AP1S2: variants seen among roughly 807,000 people sequenced by gnomAD.
The protein encoded by AP1S2 is AP-1 complex subunit sigma-2.
AP1S2 carries 1 observed loss-of-function variant against 14.3 expected under a neutral mutation model. The observed-to-expected ratio is 0.07, with a 90% CI of 0.02 to 0.33. AP1S2 has a LOEUF of 0.33. Ranked by LOEUF, AP1S2 falls within the 10% of genes least tolerant of loss-of-function variation. The pLI is 0.99. For synonymous variants in AP1S2, 30 were observed against 40.5 expected, an observed-to-expected ratio of 0.74 and a Z score of 0.99; for missense variants, 30 against 117.7, an observed-to-expected ratio of 0.25 and a Z score of 3.45.
rs1276430910 is a variant in AP1S2 at position 15,840,425 on chromosome X, T to C, written c.426+4954A>G. On this transcript the variant is annotated intron_variant, in intron 4 of 5. Transcript: ENST00000672987. ...GGATCAAGCAAGGACTTAGAAATCA[T>C]CTCACGTGCAACAGTATTTGCATAG... 5.9e-6 allele frequency: 3 copies of C among 508,017 alleles called. No homozygotes were observed. The African/African-American group carries it at 7.5e-5, about 13-fold the overall frequency. The allele number at this position is 508,017 out of a possible 1,213,427, so 41.9% of individuals were successfully genotyped here. A position where few individuals can be genotyped will look rare whatever the true frequency, so the allele number is the denominator to read the frequency against.
intron 1 of AP1S2, among the ~76,000 whole-genome samples, 191 bp downstream of exon 1, chrX:15,854,497 G>A (rs111365261): frequency 1.3e-4 from 15 of 112,379 alleles, no homozygotes; most frequent in Admixed American, 8.3e-4. Flanking sequence ...CACATCCCCG[G>A]GCGCGGCGCG....
At chrX:15,834,990 T>G (rs1052092175) in intron 4 of AP1S2, among the ~76,000 whole-genome samples, 1 of 110,742 alleles carries the variant, frequency 9.0e-6, no homozygotes, top group Non-Finnish European at 1.9e-5. Flanking sequence ...ACCGTGAAAT[T>G]TCCTAGATAT....
intron 3 of AP1S2, 32 bp downstream of exon 3, chrX:15,845,871 C>A: frequency 1.9e-6 from 2 of 1,074,707 alleles, no homozygotes; most frequent in Non-Finnish European, 2.6e-6. Flanking sequence ...TATACTATGG[C>A]ATTCAATTTC....
At chrX:15,836,904 A>T (rs1933660090) in intron 4 of AP1S2, among the ~76,000 whole-genome samples, 1 of 111,148 alleles carries the variant, frequency 9.0e-6, no homozygotes, top group Non-Finnish European at 1.9e-5. Flanking sequence ...ATACAAACAA[A>T]AAAAAGCAGA....
intron 1 of AP1S2, among the ~76,000 whole-genome samples, chrX:15,854,213 A>T (rs1348274388): frequency 8.9e-6 from 1 of 112,518 alleles, no homozygotes; most frequent in Non-Finnish European, 1.9e-5. Flanking sequence ...CAATGGGCTC[A>T]GCCGCGGCGC....
At chrX:15,853,898 G>A (rs1934249454) in intron 1 of AP1S2, among the ~76,000 whole-genome samples, 2 of 111,130 alleles carry the variant, frequency 1.8e-5, no homozygotes, top group South Asian at 7.6e-4. Flanking sequence ...GGCATTTACT[G>A]CAAACCCGTT....
chrX:15,845,227 G>A, intron 4 of AP1S2, 152 bp downstream of exon 4: 9 of 1,111,972 alleles, frequency 8.1e-6, no homozygotes, highest in Non-Finnish European at 1.1e-5. Context: ...TGACGTGACT[G>A]ACACATATTC....
chrX:15,831,618 G>A (rs978188917), intron 4 of AP1S2: 36 of 774,697 alleles, frequency 4.6e-5, no homozygotes, highest in Non-Finnish European at 5.6e-5. Flanking sequence ...AACTGACACA[G>A]ACACAATCAG....
chrX:15,849,699 C>A (rs1934111024), intron 2 of AP1S2, among the ~76,000 whole-genome samples: 1 of 111,867 alleles, frequency 8.9e-6, no homozygotes, highest in Admixed American at 9.4e-5. Context: ...GCTTTCCTTT[C>A]TTCCCATAAC....
rs1169440086 is a variant in AP1S2, at chrX:15,825,903, C to T, written c.*1422G>A. ...TATTTTTTAATGAAGTACATGAAGA[C>T]TCCTTAGATCTTCCACCATGTATCT... On this transcript the variant is annotated 3_prime_UTR_variant, in exon 6 of 6. Coordinates refer to ENST00000672987, the MANE Select transcript of AP1S2 (RefSeq NM_001272071.2). 8.7e-6 allele frequency: 1 copy of T among 115,442 alleles called. No homozygotes were observed. Among genetic ancestry groups the T allele is most frequent in the Non-Finnish European group, 1.8e-5 (1 of 55,384 alleles). The allele number at this position is 115,442 out of a possible 1,213,427, so 9.5% of individuals were successfully genotyped here. A position where few individuals can be genotyped will look rare whatever the true frequency, so the allele number is the denominator to read the frequency against.
intron 4 of AP1S2, among the ~76,000 whole-genome samples, chrX:15,834,105 C>T (rs371886005): frequency 1.8e-5 from 2 of 109,311 alleles, no homozygotes; most frequent in East Asian, 2.9e-4. Context: ...ATAAGGATGA[C>T]AATGTATTAT....
intron 2 of AP1S2, among the ~76,000 whole-genome samples, chrX:15,849,021 C>T (rs17216806): frequency 0.23 from 25,379 of 111,112 alleles, 2,139 homozygotes; most frequent in East Asian, 0.35. Flanking sequence ...GACTCTTCCA[C>T]AAAATGCTAC....
chrX:15,848,406 C>T (rs1194949938), intron 2 of AP1S2, among the ~76,000 whole-genome samples: 1 of 111,669 alleles, frequency 9.0e-6, no homozygotes, highest in African/African-American at 3.3e-5. Context: ...CTAGGAACAG[C>T]AATTTGACTC....
intron 4 of AP1S2, among the ~76,000 whole-genome samples, chrX:15,828,885 A>G (rs2147296125): frequency 8.9e-6 from 1 of 112,006 alleles, no homozygotes; most frequent in African/African-American, 3.2e-5. Flanking sequence ...TCTGATTCTA[A>G]CAAACCAAAT....
At chrX:15,840,678 A>G (rs41309677) in intron 4 of AP1S2, 28 of 502,949 alleles carry the variant, frequency 5.6e-5, no homozygotes, top group Non-Finnish European at 8.0e-5. Flanking sequence ...GTCATTATAT[A>G]TGTGTGTGTT....
chrX:15,827,440 A>G (rs1394116868), intron 5 of AP1S2, 68 bp from the exon 6 acceptor site: 2 of 929,836 alleles, frequency 2.2e-6, no homozygotes, highest in Admixed American at 2.2e-5. Context: ...AAACATTGAC[A>G]TGGAAGAACA....
chrX:15,831,439 G>A, intron 4 of AP1S2: 1 of 692,995 alleles, frequency 1.4e-6, no homozygotes. Context: ...TATTATACAA[G>A]ACAATAAATC....
rs1933294577 is a variant in AP1S2 at position 15,827,289 on chromosome X, G to A, written c.*36C>T. The A allele has an allele frequency of 1.7e-6, 2 of 1,152,980 alleles. No homozygotes were observed. Among genetic ancestry groups the A allele is most frequent in the Non-Finnish European group, 2.4e-6 (2 of 841,989 alleles). ...AAGGGAGTGACCATCTACAGTGTGT[G>A]AAATGCCACAAGAAGTCATCAACAA... On this transcript the variant is annotated 3_prime_UTR_variant, in exon 6 of 6. Coordinates refer to ENST00000672987, the MANE Select transcript of AP1S2 (RefSeq NM_001272071.2).
At chrX:15,841,711 A>C (rs1316382963) in intron 4 of AP1S2, among the ~76,000 whole-genome samples, 1 of 112,358 alleles carries the variant, frequency 8.9e-6, no homozygotes, top group Non-Finnish European at 1.9e-5. Context: ...GCAGTCTAAG[A>C]AGTCAAAGAT....
Sources: allele counts gnomAD v4.1 joint callset (sites outside exome capture counted in the v4.1 genomes callset), GRCh38; gene constraint gnomAD v4.1.1; transcripts MANE v1.5; gene names NCBI Gene and HGNC (gene_info 2026-07-23, HGNC 2026-07-21).